The following HIBCH variants were observed in gnomAD, a reference collection of about 807,000 sequenced individuals.
HIBCH encodes 3-hydroxyisobutyryl-CoA hydrolase, mitochondrial.
In HIBCH, 50 loss-of-function variants were observed where a neutral mutation model predicts 58.2. That is an observed-to-expected ratio of 0.86 (90% CI 0.68 to 1.09). HIBCH has a LOEUF of 1.09. HIBCH is among the 50% of genes least tolerant of loss of function. The probability of loss-of-function intolerance (pLI) is 0.00; values close to 1 mark genes in which losing one functional copy is unlikely to be tolerated. For missense variants in HIBCH, 450 were observed against 449.7 expected (o/e 1.00, Z -0.01); for synonymous variants, 151 against 146.9 (o/e 1.03, Z -0.20).
intron 4 of HIBCH, among the ~76,000 whole-genome samples, chr2:190,293,785 TAA>T (rs911201242): frequency 3.3e-5 from 5 of 151,478 alleles, no homozygotes; most frequent in Non-Finnish European, 7.4e-5. Flanking sequence ...ATACAAAATG[TAA>T]AAAGTTTTCA....
intron 2 of HIBCH, among the ~76,000 whole-genome samples, chr2:190,302,713 T>C (rs1339679550): frequency 6.6e-6 from 1 of 152,172 alleles, no homozygotes; most frequent in African/African-American, 2.4e-5. Flanking sequence ...GAACTCATTT[T>C]TAAGCTTTCT....
Position 190,208,921 on chromosome 2 carries a change from AAAATTGAG to A in HIBCH, c.1012-16_1012-9del. On this transcript the variant is annotated splice_polypyrimidine_tract_variant and intron_variant, in intron 12 of 13. Transcript: ENST00000359678. ...ATGAAAGTCATGACCTCTCTGAAAG[AAAATTGAG>A]ATTAAATGGGGATAATTTCTGGGTG... is the stretch of plus-strand genomic sequence containing the variant. 6.2e-7 allele frequency: 1 copy of A among 1,613,024 alleles called. No individual in the cohort carries two copies. The highest frequency in any genetic ancestry group is 8.5e-7 in the Non-Finnish European group (1 of 1,179,222).
At chr2:190,302,154 G>T (rs1022251424) in intron 2 of HIBCH, among the ~76,000 whole-genome samples, 10 of 152,218 alleles carry the variant, frequency 6.6e-5, no homozygotes, top group African/African-American at 2.4e-4. Flanking sequence ...CTAAAGGGCT[G>T]CAGCCTGCAG....
chr2:190,277,799 A>C (rs1687596001), intron 6 of HIBCH, among the ~76,000 whole-genome samples: 1 of 152,174 alleles, frequency 6.6e-6, no homozygotes. Flanking sequence ...TGCGGTAGCC[A>C]ATCAGGTAAT....
intron 1 of HIBCH, among the ~76,000 whole-genome samples, chr2:190,312,410 T>C (rs1438838753): frequency 6.6e-6 from 1 of 152,226 alleles, no homozygotes; most frequent in Non-Finnish European, 1.5e-5. Flanking sequence ...CTAGAATCAG[T>C]AGCTGCAGCA....
chr2:190,213,804 A>T (rs2105902697), intron 11 of HIBCH: 1 of 152,494 alleles, frequency 6.6e-6, no homozygotes, highest in South Asian at 2.1e-4. Context: ...GACGTCCGGG[A>T]TGACTGTGAC....
At chr2:190,278,968 C>T (rs1335860908) in intron 6 of HIBCH, among the ~76,000 whole-genome samples, 1 of 152,176 alleles carries the variant, frequency 6.6e-6, no homozygotes, top group Non-Finnish European at 1.5e-5. Context: ...TTTTCTGTTG[C>T]TGTAACTGAG....
In HIBCH at chr2:190,211,796, C is replaced by A. The variant is rs544186218; in HGVS notation, c.1011+1160G>T. ...AGACTAAACCCATGAAAATAAAGGA[C>A]TGTGTCTTCTTATTCAACAATATAA... On this transcript the variant is annotated intron_variant, in intron 12 of 13. Coordinates refer to ENST00000359678, the MANE Select transcript of HIBCH (RefSeq NM_014362.4). The surrounding 1 kb of genome is among the most constrained non-coding windows in gnomAD (Gnocchi z 5.0). Among the ~76,000 whole-genome samples the A allele has an allele frequency of 5.3e-5, 8 of 152,184 alleles. No homozygotes were observed. The highest frequency in any genetic ancestry group is 7.3e-5 in the Non-Finnish European group (5 of 68,032).
At chr2:190,193,740 C>G (rs891966763) in intron 1 of HIBCH, among the ~76,000 whole-genome samples, 19 of 152,116 alleles carry the variant, frequency 1.2e-4, no homozygotes, top group African/African-American at 3.9e-4. Flanking sequence ...AGAGATGTAT[C>G]TATTAGATCT....
chr2:190,255,693 T>G (rs1034318290), intron 7 of HIBCH, among the ~76,000 whole-genome samples: 1 of 152,148 alleles, frequency 6.6e-6, no homozygotes, highest in Non-Finnish European at 1.5e-5. Context: ...GTGCCTCATT[T>G]GAGAAGATGA....
intron 2 of HIBCH, among the ~76,000 whole-genome samples, chr2:190,300,372 T>C (rs899361439): frequency 3.9e-5 from 6 of 152,164 alleles, no homozygotes; most frequent in Admixed American, 2.0e-4. Context: ...TGGTGTGAGA[T>C]GGTATCTCAT....
chr2:190,274,363 A>C (rs1687490493), intron 6 of HIBCH, among the ~76,000 whole-genome samples: 1 of 152,208 alleles, frequency 6.6e-6, no homozygotes, highest in Non-Finnish European at 1.5e-5. Context: ...TCAGTGGATA[A>C]ACATAATCTG....
rs1389283765 is a variant in HIBCH at position 190,279,452 on chromosome 2, C to T, written c.438+8134G>A. ...AACTCAAAATTCCGAAGTCCAGAGT[C>T]CCATCTGTGAAGCCTGTGTAATCAA... On this transcript the variant is annotated intron_variant, in intron 6 of 13. Transcript: ENST00000359678. This position sits in a 1 kb window ranked among gnomAD's most constrained non-coding sequence, Gnocchi z 4.2. Among the ~76,000 whole-genome samples the T allele has an allele frequency of 2.6e-5, 4 of 152,180 alleles. No individual in the cohort carries two copies. The highest frequency in any genetic ancestry group is 9.6e-5 in the African/African-American group (4 of 41,452).
intron 6 of HIBCH, among the ~76,000 whole-genome samples, chr2:190,275,320 T>A (rs1687518683): frequency 1.3e-5 from 2 of 152,356 alleles, no homozygotes; most frequent in South Asian, 2.1e-4. Context: ...GATTGTCCTC[T>A]GTTCTATATC....
intron 11 of HIBCH, among the ~76,000 whole-genome samples, chr2:190,230,982 C>T (rs534950480): frequency 4.6e-5 from 7 of 152,002 alleles, no homozygotes; most frequent in South Asian, 2.1e-4. Flanking sequence ...ACACGTATCA[C>T]GAAAAAATAA....
rs554238043 is a variant in HIBCH, at chr2:190,304,765, T to C, written c.78+5989A>G. Among the ~76,000 whole-genome samples, 1 of 152,336 alleles carries C rather than the reference T, an allele frequency of 6.6e-6. No individual in the cohort carries two copies. Among genetic ancestry groups the C allele is most frequent in the South Asian group, 2.1e-4 (1 of 4,822 alleles). On this transcript the variant is annotated intron_variant, in intron 2 of 13. Coordinates refer to ENST00000359678, the MANE Select transcript of HIBCH (RefSeq NM_014362.4). The surrounding 1 kb of genome is among the most constrained non-coding windows in gnomAD (Gnocchi z 4.1). ...GCAGTTTTATTTTAACCAACATTTG[T>C]TTTGATTTCCAAGTTTTATGATCTC...
chr2:190,271,282 C>CTT lies in HIBCH; in HGVS notation c.439-10050_439-10049dup, dbSNP rs35074167. Reference sequence around the variant, plus strand: ...CTATCTACCCATTATCTCTACCCTACTTTTTTTTTTTTTTTTTTTTTTTTG... The same window carrying CTT: ...CTATCTACCCATTATCTCTACCCTACTTTTTTTTTTTTTTTTTTTTTTTTTTG... On this transcript the variant is annotated intron_variant, in intron 6 of 13. Coordinates refer to ENST00000359678, the MANE Select transcript of HIBCH (RefSeq NM_014362.4). Among the ~76,000 whole-genome samples the CTT allele has an allele frequency of 9.7e-3, 808 of 83,712 alleles. 1 individual carries two copies. Among genetic ancestry groups the CTT allele is most frequent in the Non-Finnish European group, 0.011 (521 of 46,314 alleles). 54.9% of individuals were successfully genotyped at this position (83,712 alleles called of 152,430 possible).
Position 190,226,599 on chromosome 2 carries a change from A to T in HIBCH, c.892-13524T>A, listed in dbSNP as rs1187433971. 2.2e-4 allele frequency among the ~76,000 whole-genome samples: 16 copies of T among 72,262 alleles called. No individual in the cohort carries two copies. In the South Asian group the frequency reaches 3.2e-3, roughly 14 times the overall value. 47.4% of individuals were successfully genotyped at this position (72,262 alleles called of 152,430 possible). ...AACAAGAGTGAAACTCCGTCTCAAA[A>T]AAAAAAAAAAAAAAAAAAAAAAAAG... is the stretch of plus-strand genomic sequence containing the variant. On this transcript the variant is annotated intron_variant, in intron 11 of 13. Transcript: ENST00000359678.
At chr2:190,288,178 A>AAAAT (rs1687878755) in intron 5 of HIBCH, among the ~76,000 whole-genome samples, 1 of 150,820 alleles carries the variant, frequency 6.6e-6, no homozygotes. Context: ...TTTTTTTAAA[A>AAAAT]AAAGGAAGAG....
Sources: gnomAD v4.1 joint callset for allele counts (sites outside exome capture counted in the v4.1 genomes callset) on GRCh38, gnomAD v4.1.1 for gene constraint, Gnocchi (gnomAD v3.1) non-coding constraint, MANE v1.5 for transcripts, NCBI Gene and HGNC (gene_info 2026-07-23, HGNC 2026-07-21) for gene names.